ADGRV1: variants seen among roughly 807,000 people sequenced by gnomAD.
ADGRV1 encodes adhesion G protein-coupled receptor V1, also known as G-protein coupled receptor 98.
ADGRV1 carries 359 observed loss-of-function variants against 596.2 expected under a neutral mutation model. The observed-to-expected ratio is 0.60, with a 90% confidence interval of 0.55 to 0.66. ADGRV1 has a LOEUF of 0.66. Ranked by LOEUF, ADGRV1 falls within the 30% of genes least tolerant of loss-of-function variation. The pLI is 0.00. For synonymous variants in ADGRV1, 2,681 were observed against 2,679.2 expected, an observed-to-expected ratio of 1.00 and a Z score of -0.02; for missense variants, 7,274 against 7,575.6, an observed-to-expected ratio of 0.96 and a Z score of 1.48.
chr5:90,862,356 T>TCA (rs5869527), intron 82 of ADGRV1, among the ~76,000 whole-genome samples: 5,304 of 150,410 alleles, frequency 0.035, 173 homozygotes, highest in East Asian at 0.14. Flanking sequence ...AGTATATTAC[T>TCA]CACACACACA....
At chr5:91,041,730 A>G (rs932330277) in intron 85 of ADGRV1, among the ~76,000 whole-genome samples, 15 of 152,192 alleles carry the variant, frequency 9.9e-5, no homozygotes, top group East Asian at 9.7e-4. Flanking sequence ...AAGAATTTCA[A>G]TTTCCTGAAG....
intron 86 of ADGRV1, among the ~76,000 whole-genome samples, chr5:91,096,119 T>C (rs1582043106): frequency 6.6e-6 from 1 of 152,218 alleles, no homozygotes; most frequent in East Asian, 1.9e-4. Flanking sequence ...GATGGGTTTG[T>C]TTTAGTAGCA....
chr5:90,743,032 T>A (rs1388290003), intron 50 of ADGRV1, among the ~76,000 whole-genome samples: 1 of 152,100 alleles, frequency 6.6e-6, no homozygotes, highest in African/African-American at 2.4e-5. Flanking sequence ...ATTATAGAGT[T>A]TAGAGGAGGG....
chr5:90,799,601 A>G (rs1212046354), intron 70 of ADGRV1, among the ~76,000 whole-genome samples: 1 of 152,180 alleles, frequency 6.6e-6, no homozygotes, highest in Non-Finnish European at 1.5e-5. Flanking sequence ...ATGGAACCAA[A>G]AAAGAGCCCG....
chr5:90,839,693 A>G (rs1765267491), intron 77 of ADGRV1, among the ~76,000 whole-genome samples: 1 of 152,232 alleles, frequency 6.6e-6, no homozygotes, highest in South Asian at 2.1e-4. Context: ...GTCTCTGTTC[A>G]AATATCACAA....
chr5:91,076,323 A>G (rs1014299336), intron 86 of ADGRV1, among the ~76,000 whole-genome samples: 7 of 152,186 alleles, frequency 4.6e-5, no homozygotes, highest in Non-Finnish European at 7.4e-5. Flanking sequence ...CCCTTTAGTC[A>G]TTGTAGCACT....
rs2149381772 is a variant in ADGRV1 at position 90,628,773 on chromosome 5, C to T, written c.1450C>T (p.Leu484=). Residue 484 remains leucine, a synonymous_variant, in exon 8 of 90, where the codon CTA becomes TTA. Transcript: ENST00000405460. Reference sequence around the variant, plus strand: ...TCTTCCAGAAGAGGCAGAAGCTTATCTACTTCAAATTCTGCCTCATACAAT... The same window carrying T: ...TCTTCCAGAAGAGGCAGAAGCTTATTTACTTCAAATTCTGCCTCATACAAT... The part of the protein sequence containing the change: ...DDLPEEAEAY[L]LQILPHTIRG... 3 of 1,613,976 alleles carry T rather than the reference C, an allele frequency of 1.9e-6. No individual in the cohort carries two copies. The highest frequency in any genetic ancestry group is 2.5e-6 in the Non-Finnish European group (3 of 1,179,852).
chr5:90,828,423 G>T (rs151050645), intron 76 of ADGRV1, among the ~76,000 whole-genome samples: 1 of 152,010 alleles, frequency 6.6e-6, no homozygotes, highest in Non-Finnish European at 1.5e-5. Context: ...GGCAACTGCT[G>T]TCAGGGTGTG....
rs1345030580 is a variant in ADGRV1, at chr5:90,781,459, G to A, written c.13112G>A (p.Gly4371Glu). Residue 4371 changes from glycine (G) to glutamate (E), a missense_variant, in exon 65 of 90, where the codon GGA becomes GAA. This residue lies in a region of ADGRV1 where 3,643 missense variants were observed against 3,809.2 expected (regional missense o/e 0.96). Coordinates refer to ENST00000405460, the MANE Select transcript of ADGRV1 (RefSeq NM_032119.4). ...RGYDFTIQENGLQIDQPPEIG... is the reference protein window; with the variant it reads ...RGYDFTIQENELQIDQPPEIG... Reference sequence around the variant, plus strand: ...TATGATTTTACCATTCAAGAAAATGGACTTCAGATAGATCAACCTCCTGAA... The same window carrying A: ...TATGATTTTACCATTCAAGAAAATGAACTTCAGATAGATCAACCTCCTGAA... 6.2e-7 allele frequency: 1 copy of A among 1,607,716 alleles called. No individual in the cohort carries two copies. Among genetic ancestry groups the A allele is most frequent in the Non-Finnish European group, 8.5e-7 (1 of 1,176,266 alleles).
intron 86 of ADGRV1, among the ~76,000 whole-genome samples, chr5:91,074,168 T>G (rs1788641392): frequency 6.7e-6 from 1 of 149,178 alleles, no homozygotes; most frequent in South Asian, 2.1e-4. Context: ...TGTAACTTCT[T>G]TCTTTTTACA....
chr5:90,680,163 A>G (rs548821676), intron 26 of ADGRV1, among the ~76,000 whole-genome samples: 9 of 152,120 alleles, frequency 5.9e-5, no homozygotes, highest in Non-Finnish European at 1.0e-4. Context: ...CAGCCTGACC[A>G]ACATAGTAAA....
intron 83 of ADGRV1, among the ~76,000 whole-genome samples, chr5:90,958,539 AAC>A (rs397884372): frequency 3.7e-4 from 27 of 73,684 alleles, no homozygotes; most frequent in African/African-American, 1.8e-3. Context: ...GGATGGCTTT[AAC>A]AACACTAATT....
intron 85 of ADGRV1, among the ~76,000 whole-genome samples, chr5:91,047,522 C>G (rs980594808): frequency 1.3e-5 from 2 of 152,142 alleles, no homozygotes; most frequent in African/African-American, 2.4e-5. Context: ...CCAGTCTCAT[C>G]TTTCCATGTT....
intron 83 of ADGRV1, among the ~76,000 whole-genome samples, chr5:90,963,801 G>A (rs919527122): frequency 2.7e-5 from 4 of 150,500 alleles, no homozygotes; most frequent in African/African-American, 9.8e-5. Flanking sequence ...TACTTGATCA[G>A]GCAGGCACAG....
chr5:91,096,464 T>C (rs1240295433), intron 86 of ADGRV1, among the ~76,000 whole-genome samples: 1 of 152,262 alleles, frequency 6.6e-6, no homozygotes, highest in African/African-American at 2.4e-5. Context: ...AATTGACGTA[T>C]CTACTTGCTG....
intron 36 of ADGRV1, among the ~76,000 whole-genome samples, chr5:90,704,692 C>T (rs964775646): frequency 1.3e-5 from 2 of 152,028 alleles, no homozygotes; most frequent in Admixed American, 6.6e-5. Flanking sequence ...AGCCCTGAAA[C>T]GTTTTGCTAA....
In ADGRV1 at chr5:90,810,532, A is replaced by T; in HGVS notation, c.15272A>T (p.Tyr5091Phe). Residue 5091 changes from tyrosine (Y) to phenylalanine (F), a missense_variant, in exon 74 of 90, where the codon TAC (tyrosine) becomes TTC (phenylalanine). Transcript: ENST00000405460. The part of the protein sequence containing the change: ...DQLSEIEEFF[Y>F]INLTSVEIRG... ...CTTTCTGAGATAGAAGAATTTTTTT[A>T]CATTAACCTTACTTCAGTAGAAATT... 1 of 1,613,704 alleles carries T rather than the reference A, an allele frequency of 6.2e-7. No homozygotes were observed. The highest frequency in any genetic ancestry group is 8.5e-7 in the Non-Finnish European group (1 of 1,179,632).
chr5:90,837,966 ATTC>A (rs1765110704), intron 77 of ADGRV1, among the ~76,000 whole-genome samples: 1 of 151,976 alleles, frequency 6.6e-6, no homozygotes, highest in Non-Finnish European at 1.5e-5. Flanking sequence ...AAGTAGTTCT[ATTC>A]TTATATATTA....
intron 21 of ADGRV1, among the ~76,000 whole-genome samples, chr5:90,667,988 C>G (rs1450266618): frequency 2.6e-5 from 4 of 151,892 alleles, no homozygotes; most frequent in African/African-American, 4.9e-5. Flanking sequence ...CAGCTGCGTA[C>G]TGGGAGAACC....
Sources: gnomAD v4.1 joint callset for allele counts (sites outside exome capture counted in the v4.1 genomes callset) on GRCh38, gnomAD v4.1.1 for gene constraint, gnomAD v4.1.1 regional missense constraint, MANE v1.5 for transcripts, NCBI Gene and HGNC (gene_info 2026-07-23, HGNC 2026-07-21) for gene names.